Variants in DLGAP1 observed in about 807,000 individuals in gnomAD.
DLGAP1 encodes the protein disks large-associated protein 1.
A neutral mutation model predicts 90.8 loss-of-function variants in DLGAP1; 11 were observed. The ratio of observed to expected loss-of-function variants is 0.12; its 90% confidence interval spans 0.08 to 0.20. DLGAP1 has a LOEUF of 0.20. Ranked by LOEUF, DLGAP1 falls within the 10% of genes least tolerant of loss-of-function variation. DLGAP1 has a pLI of 1.00. For synonymous variants in DLGAP1, 558 were observed against 540.7 expected (o/e 1.03, Z -0.44); for missense variants, 1,050 against 1,333.8 (o/e 0.79, Z 3.31).
chr18:3,874,403 TC>T, intron 4 of DLGAP1: 1 of 1,446,680 alleles, frequency 6.9e-7, no homozygotes, highest in Non-Finnish European at 9.1e-7. Flanking sequence ...AAGGGATTTT[TC>T]TTTTAGGTTA....
At chr18:3,858,103 C>T (rs779684095) in intron 4 of DLGAP1, among the ~76,000 whole-genome samples, 21 of 152,068 alleles carry the variant, frequency 1.4e-4, no homozygotes, top group Non-Finnish European at 2.8e-4. Flanking sequence ...TTCAGCAGGC[C>T]GAGAACAAAA....
chr18:4,387,776 C>G (rs760223816), intron 1 of DLGAP1, among the ~76,000 whole-genome samples: 2 of 152,124 alleles, frequency 1.3e-5, no homozygotes, highest in Non-Finnish European at 2.9e-5. Context: ...ACTAAAAATA[C>G]AAAAATTAGT....
chr18:3,898,406 C>G (rs1483320964), intron 3 of DLGAP1, among the ~76,000 whole-genome samples: 1 of 152,144 alleles, frequency 6.6e-6, no homozygotes, highest in African/African-American at 2.4e-5. Context: ...AGCAGGTACT[C>G]TTATTATCTT....
At chr18:4,063,714 G>C (rs545003645) in intron 2 of DLGAP1, among the ~76,000 whole-genome samples, 1 of 152,152 alleles carries the variant, frequency 6.6e-6, no homozygotes, top group East Asian at 1.9e-4. Flanking sequence ...AGGCCACCTT[G>C]CTACCCAAGC....
At chr18:3,895,417 T>C (rs2071597032) in intron 3 of DLGAP1, among the ~76,000 whole-genome samples, 1 of 152,182 alleles carries the variant, frequency 6.6e-6, no homozygotes, top group African/African-American at 2.4e-5. Flanking sequence ...GATACCTCTG[T>C]ATTATGTAAA....
At chr18:3,628,284 G>A (rs941680364) in intron 7 of DLGAP1, among the ~76,000 whole-genome samples, 7 of 151,362 alleles carry the variant, frequency 4.6e-5, no homozygotes, top group Non-Finnish European at 7.4e-5. Flanking sequence ...CTGCCTCCCG[G>A]GTTCGAGCGA....
In DLGAP1 at chr18:3,508,561, G is replaced by A. The variant is rs1284657846; in HGVS notation, c.2571+9C>T. 5 of 1,604,026 alleles carry A rather than the reference G, an allele frequency of 3.1e-6. No homozygotes were observed. The highest frequency in any genetic ancestry group is 1.1e-5 in the South Asian group (1 of 90,098). ...AGCAGGGAAATTGTAGAAGGAGAGT[G>A]TTACCTACCAGGTTTTCTTCACACA... On this transcript the variant is annotated intron_variant, in intron 11 of 12. Transcript: ENST00000315677.
intron 2 of DLGAP1, among the ~76,000 whole-genome samples, chr18:4,149,429 A>G (rs2076636861): frequency 6.6e-6 from 1 of 152,210 alleles, no homozygotes; most frequent in Non-Finnish European, 1.5e-5. Context: ...CTGATTTAGA[A>G]TAAAGTAAAA....
chr18:4,048,547 TAAG>T (rs1261699684), intron 2 of DLGAP1, among the ~76,000 whole-genome samples: 2 of 152,162 alleles, frequency 1.3e-5, no homozygotes, highest in Non-Finnish European at 2.9e-5. Context: ...AAACAAGACT[TAAG>T]GAGGGTTTTT....
At position 4,403,149 on chromosome 18, in the gene DLGAP1, T is replaced by C. The variant is rs377106283; in HGVS notation, c.-267+51857A>G. Among the ~76,000 whole-genome samples the C allele has an allele frequency of 2.0e-5, 3 of 152,292 alleles. No homozygotes were observed. In the East Asian group the frequency reaches 5.8e-4, roughly 29 times the overall value. On this transcript the variant is annotated intron_variant, in intron 1 of 12. Transcript: ENST00000315677. The stretch of plus-strand genomic sequence containing the variant: ...AAATGTTGGCAAAATTTAAAGTTGA[T>C]ATGTTATAGGCCCTACTGCTGTTTA...
chr18:3,519,454 C>T (rs150788741), intron 10 of DLGAP1, among the ~76,000 whole-genome samples: 1 of 152,280 alleles, frequency 6.6e-6, no homozygotes, highest in East Asian at 1.9e-4. Context: ...GAATCTTATC[C>T]ATTCTCAACT....
intron 3 of DLGAP1, among the ~76,000 whole-genome samples, chr18:4,001,455 G>A (rs2074183725): frequency 6.6e-6 from 1 of 151,792 alleles, no homozygotes; most frequent in Admixed American, 6.6e-5. Flanking sequence ...TTTCTTTATG[G>A]TAGATTCGAT....
At chr18:3,716,338 C>G (rs2061759045) in intron 7 of DLGAP1, among the ~76,000 whole-genome samples, 1 of 152,112 alleles carries the variant, frequency 6.6e-6, no homozygotes, top group South Asian at 2.1e-4. Context: ...TGCTTGAGAC[C>G]AGCCTGGGCA....
chr18:3,726,452 T>C (rs940086615), intron 7 of DLGAP1, among the ~76,000 whole-genome samples: 2 of 144,030 alleles, frequency 1.4e-5, no homozygotes, highest in African/African-American at 5.2e-5. Context: ...GGGGTGTGTG[T>C]GTGAGAGAGA....
chr18:3,984,629 C>T (rs375116209), intron 3 of DLGAP1, among the ~76,000 whole-genome samples: 5 of 152,166 alleles, frequency 3.3e-5, no homozygotes, highest in Admixed American at 1.3e-4. Flanking sequence ...GCAGTCATCC[C>T]CTTTCCTTGC....
intron 1 of DLGAP1, among the ~76,000 whole-genome samples, chr18:4,162,918 TTA>T (rs569995750): frequency 0.11 from 16,277 of 149,530 alleles, 2,325 homozygotes; most frequent in African/African-American, 0.32. Flanking sequence ...GAGTTTTTTT[TTA>T]AAAAAAAACA....
chr18:3,563,874 C>G (rs1423687541), intron 9 of DLGAP1, among the ~76,000 whole-genome samples: 4 of 152,276 alleles, frequency 2.6e-5, no homozygotes, highest in Middle Eastern at 3.4e-3. Context: ...CTAGTGAGCC[C>G]ATCAAAGATA....
intron 9 of DLGAP1, among the ~76,000 whole-genome samples, chr18:3,542,250 G>A (rs748318946): frequency 5.9e-5 from 9 of 152,270 alleles, no homozygotes; most frequent in Middle Eastern, 3.4e-3. Context: ...CCCCACTGAT[G>A]TAAATGAAAA....
chr18:4,443,547 C>A (rs1391568536), intron 1 of DLGAP1, among the ~76,000 whole-genome samples: 2 of 152,200 alleles, frequency 1.3e-5, no homozygotes, highest in South Asian at 2.1e-4. Flanking sequence ...GGTCAAAAGA[C>A]TCTAGAAGTC....
Sources: gnomAD v4.1 joint callset for allele counts (sites outside exome capture counted in the v4.1 genomes callset) on GRCh38, gnomAD v4.1.1 for gene constraint, MANE v1.5 for transcripts, NCBI Gene and HGNC (gene_info 2026-07-23, HGNC 2026-07-21) for gene names.